The following CHCHD3 variants were observed in gnomAD, a reference collection of about 807,000 sequenced individuals.
The protein encoded by CHCHD3 is coiled-coil-helix-coiled-coil-helix domain containing 3.
CHCHD3 carries 20 observed loss-of-function variants against 38.2 expected under a neutral mutation model. The observed-to-expected ratio is 0.52, with a 90% confidence interval of 0.37 to 0.76. The LOEUF is 0.76. Ranked by LOEUF, CHCHD3 falls within the 30% of genes least tolerant of loss-of-function variation. CHCHD3 has a pLI of 0.00. For missense variants in CHCHD3, 245 were observed against 279.2 expected (o/e 0.88, Z 0.87); for synonymous variants, 82 against 100.0 (o/e 0.82, Z 1.07).
Position 132,975,288 on chromosome 7 carries a change from T to C in CHCHD3, c.252-2A>G. 2.5e-6 allele frequency: 4 copies of C among 1,608,776 alleles called. No individual in the cohort carries two copies. Among genetic ancestry groups the C allele is most frequent in the Non-Finnish European group, 3.4e-6 (4 of 1,176,636 alleles). ...TCCAGCTCTTTGGCTTGCTTTAGTC[T>C]AAAATGACAAGAATTGTCTAAGTTA... is the stretch of plus-strand genomic sequence containing the variant. On this transcript the variant is annotated splice_acceptor_variant, in intron 3 of 7. Coordinates refer to ENST00000262570, the MANE Select transcript of CHCHD3 (RefSeq NM_017812.4). LOFTEE classifies it high-confidence loss of function.
At chr7:132,915,495 CT>C (rs1283889412) in intron 4 of CHCHD3, among the ~76,000 whole-genome samples, 10 of 152,276 alleles carry the variant, frequency 6.6e-5, no homozygotes, top group African/African-American at 1.9e-4. Flanking sequence ...TTACCAGAAA[CT>C]TTTTTCCACT....
chr7:132,812,190 T>TTCTTC (rs1807086799), intron 6 of CHCHD3, among the ~76,000 whole-genome samples: 1 of 70,056 alleles, frequency 1.4e-5, no homozygotes, highest in Non-Finnish European at 2.5e-5. Flanking sequence ...CCACTTCCTT[T>TTCTTC]TTTTCTTTTC....
chr7:132,900,640 T>C (rs1809643738), intron 4 of CHCHD3, among the ~76,000 whole-genome samples: 1 of 152,240 alleles, frequency 6.6e-6, no homozygotes, highest in African/African-American at 2.4e-5. Flanking sequence ...AAGAAATGTT[T>C]ACCTTACATG....
chr7:132,950,456 G>A (rs1217365671), intron 4 of CHCHD3, among the ~76,000 whole-genome samples: 1 of 152,110 alleles, frequency 6.6e-6, no homozygotes, highest in Non-Finnish European at 1.5e-5. Flanking sequence ...ATATTTACCA[G>A]TACTAGTAAA....
chr7:132,963,525 G>A (rs1003451766), intron 4 of CHCHD3, among the ~76,000 whole-genome samples: 5 of 151,086 alleles, frequency 3.3e-5, no homozygotes, highest in Non-Finnish European at 5.9e-5. Flanking sequence ...CCAGCTACTC[G>A]CGAGGCTGAG....
chr7:133,044,206 A>C (rs1813911994), intron 2 of CHCHD3, among the ~76,000 whole-genome samples: 1 of 152,256 alleles, frequency 6.6e-6, no homozygotes, highest in Non-Finnish European at 1.5e-5. Context: ...ACTAACAATC[A>C]CAAAACTCAC....
chr7:132,815,443 G>A, intron 6 of CHCHD3: 2 of 380,348 alleles, frequency 5.3e-6, no homozygotes, highest in Non-Finnish European at 1.0e-5. Context: ...GCACATAAAG[G>A]ACATTTTACC....
chr7:132,902,482 G>A (rs1014106274), intron 4 of CHCHD3, among the ~76,000 whole-genome samples: 30 of 152,234 alleles, frequency 2.0e-4, no homozygotes, highest in South Asian at 2.1e-4. Context: ...GGAATACTAC[G>A]CAGCCATAAA....
intron 6 of CHCHD3, among the ~76,000 whole-genome samples, chr7:132,819,227 CTCCCAAGTCTATAAT>C (rs1807279349): frequency 6.6e-6 from 1 of 152,154 alleles, no homozygotes. Context: ...GCCCTTCAAA[CTCCCAAGTCTATAAT>C]TCTTAGTTTT....
intron 6 of CHCHD3, among the ~76,000 whole-genome samples, chr7:132,819,949 G>A (rs1807302500): frequency 6.6e-6 from 1 of 152,114 alleles, no homozygotes. Flanking sequence ...CAGCCCAGGA[G>A]GTATCCAAGG....
chr7:132,991,816 G>A (rs1467420592), intron 3 of CHCHD3, among the ~76,000 whole-genome samples: 1 of 152,036 alleles, frequency 6.6e-6, no homozygotes, highest in Non-Finnish European at 1.5e-5. Flanking sequence ...GACAATCCTG[G>A]TCTATCATTT....
chr7:133,025,498 GT>G (rs955103231), intron 2 of CHCHD3, among the ~76,000 whole-genome samples: 12 of 152,112 alleles, frequency 7.9e-5, no homozygotes, highest in African/African-American at 2.6e-4. Flanking sequence ...GTCTTTTTTG[GT>G]TTTTTTCTCT....
intron 2 of CHCHD3, among the ~76,000 whole-genome samples, chr7:133,042,120 G>A (rs1694236498): frequency 4.6e-5 from 7 of 152,114 alleles, no homozygotes; most frequent in Admixed American, 4.6e-4. Flanking sequence ...ATATCCAAGG[G>A]CCCTTTTTTT....
Position 132,885,753 on chromosome 7 carries a change from A to G in CHCHD3, c.370-8T>C. 1 of 1,602,952 alleles carries G rather than the reference A, an allele frequency of 6.2e-7. No individual in the cohort carries two copies. The highest frequency in any genetic ancestry group is 1.9e-4 in the Middle Eastern group (1 of 5,394). ...CTCTTCCAGCTGCCTAGCCTAAAAA[A>G]AGAAATGAGGAATATACTATATCAA... On this transcript the variant is annotated splice_polypyrimidine_tract_variant and splice_region_variant and intron_variant, in intron 4 of 7. Transcript: ENST00000262570.
chr7:132,952,992 TCAATA>T (rs1811067165), intron 4 of CHCHD3, among the ~76,000 whole-genome samples: 1 of 152,236 alleles, frequency 6.6e-6, no homozygotes, highest in Admixed American at 6.5e-5. Context: ...AATATTATAT[TCAATA>T]CCTCACTTCA....
At chr7:133,015,715 C>G (rs1401378532) in intron 3 of CHCHD3, among the ~76,000 whole-genome samples, 2 of 152,196 alleles carry the variant, frequency 1.3e-5, no homozygotes, top group African/African-American at 2.4e-5. Flanking sequence ...CGAGCCCCAC[C>G]ACTTACTTGA....
At chr7:132,874,961 G>T (rs1318794118) in intron 5 of CHCHD3, among the ~76,000 whole-genome samples, 1 of 152,068 alleles carries the variant, frequency 6.6e-6, no homozygotes, top group South Asian at 2.1e-4. Flanking sequence ...CAATCCCAGG[G>T]TGCTTTCAGG....
At chr7:132,856,272 G>T (rs1007356988) in intron 5 of CHCHD3, among the ~76,000 whole-genome samples, 2 of 152,206 alleles carry the variant, frequency 1.3e-5, no homozygotes, top group African/African-American at 4.8e-5. Flanking sequence ...CGTTCTGTTA[G>T]TTCCCACAAA....
intron 4 of CHCHD3, among the ~76,000 whole-genome samples, chr7:132,914,027 T>C (rs1004052021): frequency 2.0e-5 from 3 of 149,776 alleles, no homozygotes; most frequent in Non-Finnish European, 4.4e-5. Flanking sequence ...TGGCATGATC[T>C]TGGCTCACTG....
Sources: gnomAD v4.1 joint callset for allele counts (sites outside exome capture counted in the v4.1 genomes callset) on GRCh38, gnomAD v4.1.1 for gene constraint, MANE v1.5 for transcripts, NCBI Gene and HGNC (gene_info 2026-07-23, HGNC 2026-07-21) for gene names.